Variants in ARPP21 observed in about 807,000 individuals in gnomAD.
ARPP21 encodes the protein cAMP regulated phosphoprotein 21.
A neutral mutation model predicts 113.2 loss-of-function variants in ARPP21; 69 were observed. The ratio of observed to expected loss-of-function variants is 0.61; its 90% CI spans 0.50 to 0.74. ARPP21 has a LOEUF of 0.74. Ranked by LOEUF, ARPP21 falls within the 30% of genes least tolerant of loss-of-function variation. ARPP21 has a pLI of 0.00. For missense variants in ARPP21, 1,070 were observed against 1,037.4 expected, an observed-to-expected ratio of 1.03 and a Z score of -0.43; for synonymous variants, 368 against 375.5, an observed-to-expected ratio of 0.98 and a Z score of 0.23.
chr3:35,708,307 G>C (rs2089951261), intron 10 of ARPP21, among the ~76,000 whole-genome samples: 1 of 152,040 alleles, frequency 6.6e-6, no homozygotes, highest in Non-Finnish European at 1.5e-5. Context: ...CCTCATGCTG[G>C]GTTCTTTGAA....
chr3:35,718,508 G>A (rs1159206704), intron 13 of ARPP21, among the ~76,000 whole-genome samples: 2 of 151,972 alleles, frequency 1.3e-5, no homozygotes, highest in African/African-American at 4.8e-5. Flanking sequence ...TCCCCTAAAG[G>A]CCAGTTAGTT....
At chr3:35,780,767 T>C (rs568514749) in intron 19 of ARPP21, among the ~76,000 whole-genome samples, 1 of 152,192 alleles carries the variant, frequency 6.6e-6, no homozygotes, top group Admixed American at 6.6e-5. Context: ...CGTCTGGGCA[T>C]TAAGGCTTAG....
intron 1 of ARPP21, among the ~76,000 whole-genome samples, chr3:35,674,720 G>A (rs1303768538): frequency 6.6e-6 from 1 of 151,862 alleles, no homozygotes; most frequent in Non-Finnish European, 1.5e-5. Context: ...TTCAAAAGGA[G>A]AAGCTGAGCA....
At chr3:35,790,345 T>A (rs560239516) in intron 19 of ARPP21, among the ~76,000 whole-genome samples, 1 of 152,218 alleles carries the variant, frequency 6.6e-6, no homozygotes. Flanking sequence ...TCATCCCAAG[T>A]TATTTTCTTA....
chr3:35,757,068 G>GTTT, intron 19 of ARPP21, among the ~76,000 whole-genome samples: 1 of 112,890 alleles, frequency 8.9e-6, no homozygotes, highest in Non-Finnish European at 1.9e-5. Flanking sequence ...GCCTTTTAGT[G>GTTT]ATTTTTTTTT....
At chr3:35,748,110 GAA>G (rs1491292719) in intron 19 of ARPP21, among the ~76,000 whole-genome samples, 7 of 95,906 alleles carry the variant, frequency 7.3e-5, no homozygotes, top group Admixed American at 3.3e-4. Context: ...AAGAAAGAAA[GAA>G]GAAAGAAAGA....
chr3:35,790,035 T>C (rs2151892219), intron 19 of ARPP21, among the ~76,000 whole-genome samples: 1 of 152,214 alleles, frequency 6.6e-6, no homozygotes, highest in African/African-American at 2.4e-5. Context: ...TTTCCCCCAC[T>C]TCCCTCTTTT....
At chr3:35,705,210 A>C (rs748104347) in intron 9 of ARPP21, among the ~76,000 whole-genome samples, 12 of 152,144 alleles carry the variant, frequency 7.9e-5, no homozygotes, top group Non-Finnish European at 1.2e-4. Context: ...ATGTGTAACA[A>C]CATATAAATA....
At chr3:35,696,093 C>G (rs1235175180) in intron 9 of ARPP21, among the ~76,000 whole-genome samples, 1 of 151,388 alleles carries the variant, frequency 6.6e-6, no homozygotes, top group Non-Finnish European at 1.5e-5. Flanking sequence ...GCGGGCAGCT[C>G]TTAGAGCTTT....
At chr3:35,769,579 G>T (rs145771312) in intron 19 of ARPP21, among the ~76,000 whole-genome samples, 1 of 152,094 alleles carries the variant, frequency 6.6e-6, no homozygotes, top group South Asian at 2.1e-4. Flanking sequence ...TCCTGAGTTC[G>T]CTATCTTTTG....
chr3:35,767,102 T>C (rs2096007862), intron 19 of ARPP21, among the ~76,000 whole-genome samples: 1 of 152,138 alleles, frequency 6.6e-6, no homozygotes, highest in Non-Finnish European at 1.5e-5. Context: ...CTGCCATGCA[T>C]GAGATGGAGA....
At chr3:35,750,999 G>A (rs966373348) in intron 19 of ARPP21, among the ~76,000 whole-genome samples, 2 of 152,142 alleles carry the variant, frequency 1.3e-5, no homozygotes, top group South Asian at 2.1e-4. Context: ...GTAGAGGAGT[G>A]ATGAAGTTGA....
intron 19 of ARPP21, among the ~76,000 whole-genome samples, chr3:35,757,663 G>A (rs901726153): frequency 6.6e-6 from 1 of 152,048 alleles, no homozygotes; most frequent in Admixed American, 6.6e-5. Context: ...CATAAAGAAG[G>A]CTTTTTGAAA....
At chr3:35,713,304 T>G (rs2091721575) in intron 11 of ARPP21, among the ~76,000 whole-genome samples, 2 of 152,206 alleles carry the variant, frequency 1.3e-5, no homozygotes, top group Non-Finnish European at 2.9e-5. Flanking sequence ...GTATCTATCT[T>G]ATTTATGAAA....
intron 19 of ARPP21, among the ~76,000 whole-genome samples, chr3:35,772,088 A>C (rs2151532614): frequency 6.6e-6 from 1 of 152,282 alleles, no homozygotes; most frequent in Admixed American, 6.5e-5. Flanking sequence ...GAAGCCATTA[A>C]AATACTAAAT....
intron 19 of ARPP21, among the ~76,000 whole-genome samples, chr3:35,748,146 G>A (rs2095238729): frequency 7.8e-6 from 1 of 128,288 alleles, no homozygotes; most frequent in African/African-American, 3.0e-5. Flanking sequence ...AAGGGAGAAA[G>A]GAGAGAGAGA....
chr3:35,786,704 A>T (rs903046467), intron 19 of ARPP21, among the ~76,000 whole-genome samples: 4 of 152,040 alleles, frequency 2.6e-5, no homozygotes, highest in Non-Finnish European at 5.9e-5. Context: ...TGGGAGTTGA[A>T]TTAGAGTAAG....
chr3:35,745,272 G>A (rs990120406), intron 19 of ARPP21, among the ~76,000 whole-genome samples: 4 of 152,100 alleles, frequency 2.6e-5, no homozygotes, highest in Non-Finnish European at 5.9e-5. Flanking sequence ...TGGTGGTAAC[G>A]GTGCTATCAG....
At chr3:35,668,080 T>C (rs1157432009) in intron 1 of ARPP21, among the ~76,000 whole-genome samples, 1 of 151,496 alleles carries the variant, frequency 6.6e-6, no homozygotes, top group Admixed American at 6.6e-5. Context: ...AGAACACAAA[T>C]TTCCCTCTCA....
Sources: gnomAD v4.1 joint callset for allele counts (sites outside exome capture counted in the v4.1 genomes callset) on GRCh38, gnomAD v4.1.1 for gene constraint, MANE v1.5 for transcripts, NCBI Gene and HGNC (gene_info 2026-07-23, HGNC 2026-07-21) for gene names.